ANO1: variants seen among roughly 807,000 people sequenced by gnomAD.
ANO1 encodes anoctamin-1.
A neutral mutation model predicts 124.0 loss-of-function variants in ANO1; 59 were observed. The ratio of observed to expected loss-of-function variants is 0.48; its 90% confidence interval spans 0.39 to 0.59. The LOEUF (loss-of-function observed/expected upper bound fraction) is 0.59, where lower values mean the gene tolerates loss of function less well. Ranked by LOEUF, ANO1 falls within the 20% of genes least tolerant of loss-of-function variation. The probability of loss-of-function intolerance (pLI) is 0.00; values close to 1 mark genes in which losing one functional copy is unlikely to be tolerated. For synonymous variants in ANO1, 529 were observed against 532.0 expected, an observed-to-expected ratio of 0.99 and a Z score of 0.08; for missense variants, 1,059 against 1,328.0, an observed-to-expected ratio of 0.80 and a Z score of 3.15.
chr11:70,103,978 G>T (rs1250699355), intron 3 of ANO1, 21 bp from the exon 4 acceptor site: 1 of 1,607,410 alleles, frequency 6.2e-7, no homozygotes, highest in Admixed American at 1.7e-5. Flanking sequence ...GCAGCTCCCC[G>T]GTCCCTTGTC....
chr11:70,091,720 T>C (rs1365532812), intron 2 of ANO1, among the ~76,000 whole-genome samples: 1 of 152,196 alleles, frequency 6.6e-6, no homozygotes, highest in Non-Finnish European at 1.5e-5. Flanking sequence ...AGGTGTGACC[T>C]GGCCTTTGTT....
At chr11:70,053,134 G>GTTCATCTGGTTTGCCAAATTTACTTTTTA (rs1857380447) in intron 1 of ANO1, among the ~76,000 whole-genome samples, 2 of 151,978 alleles carry the variant, frequency 1.3e-5, no homozygotes, top group African/African-American at 4.8e-5. Context: ...TTTACTTTTT[G>GTTCATCTGGTTTGCCAAATTTACTTTTTA]ATTCCAATAG....
At chr11:69,966,235 C>A in the ANO1 span, among the ~76,000 whole-genome samples, 1 of 152,176 alleles carries the variant, frequency 6.6e-6, no homozygotes, top group East Asian at 1.9e-4. Context: ...GAGAGAGGAT[C>A]CTTGGGCACT....
At chr11:70,089,115 C>T (rs1162475435) in intron 2 of ANO1, among the ~76,000 whole-genome samples, 2 of 152,192 alleles carry the variant, frequency 1.3e-5, no homozygotes, top group Non-Finnish European at 2.9e-5. Context: ...TGCACGGGAA[C>T]CCTTCCTTCC....
chr11:69,984,208 A>G (rs1482828588), upstream of ANO1, among the ~76,000 whole-genome samples: 4 of 152,240 alleles, frequency 2.6e-5, no homozygotes, highest in Non-Finnish European at 4.4e-5. Context: ...GTTCTGTGAA[A>G]TGAATGTAGC....
intron 19 of ANO1, among the ~76,000 whole-genome samples, chr11:70,164,621 T>G (rs1021444986): frequency 6.6e-6 from 1 of 152,236 alleles, no homozygotes; most frequent in African/African-American, 2.4e-5. Context: ...GGGGTCACCA[T>G]GCATCACTGG....
chr11:69,971,687 G>A, the ANO1 span, among the ~76,000 whole-genome samples: 1 of 152,230 alleles, frequency 6.6e-6, no homozygotes, highest in South Asian at 2.1e-4. Context: ...AGGAGGCCAA[G>A]TGAGAGAATC....
chr11:70,089,711 C>A (rs2135244274), intron 2 of ANO1, among the ~76,000 whole-genome samples: 1 of 152,320 alleles, frequency 6.6e-6, no homozygotes, highest in East Asian at 1.9e-4. Flanking sequence ...TTGGGGGCAG[C>A]TGCCAGGGAA....
the ANO1 span, among the ~76,000 whole-genome samples, chr11:69,976,208 T>A: frequency 1.3e-5 from 2 of 152,030 alleles, no homozygotes; most frequent in East Asian, 1.9e-4. Context: ...GTTAGGTGGG[T>A]TCTAATTCAG....
chr11:70,111,714 G>A lies in ANO1; in HGVS notation c.807G>A (p.Thr269=), dbSNP rs986625893. Reference sequence around the variant, plus strand: ...TCTGCCTCTGTTTTTAAGGCATCACGAGCCTGCTGGCCAATGGTGTGTACG... The same window carrying A: ...TCTGCCTCTGTTTTTAAGGCATCACAAGCCTGCTGGCCAATGGTGTGTACG... ...CTKAKYSMGI[T]SLLANGVYAA... The change falls in exon 7 of 26, where the codon ACG becomes ACA. Residue 269 remains threonine, a synonymous_variant. Transcript: ENST00000355303. The A allele has an allele frequency of 9.3e-6, 15 of 1,613,994 alleles. No individual in the cohort carries two copies. The Middle Eastern group carries it at 4.9e-4, about 53-fold the overall frequency.
At chr11:69,986,615 A>G (rs1300281234) in intron 1 of ANO1, among the ~76,000 whole-genome samples, 1 of 152,204 alleles carries the variant, frequency 6.6e-6, no homozygotes, top group African/African-American at 2.4e-5. Context: ...TATTTGTGAT[A>G]TAAAGTCACT....
At chr11:70,154,921 C>T (rs758898151) in intron 14 of ANO1, among the ~76,000 whole-genome samples, 6 of 152,374 alleles carry the variant, frequency 3.9e-5, no homozygotes, top group Admixed American at 6.5e-5. Context: ...CCCTCTGCCC[C>T]GGCCCTTCAG....
chr11:69,990,283 T>C (rs1428787214), intron 1 of ANO1, among the ~76,000 whole-genome samples: 3 of 152,224 alleles, frequency 2.0e-5, no homozygotes, highest in African/African-American at 4.8e-5. Flanking sequence ...CTTCTTTCAC[T>C]TGGTATGTTT....
chr11:70,162,714 G>C (rs996927882), intron 18 of ANO1, among the ~76,000 whole-genome samples: 16 of 152,114 alleles, frequency 1.1e-4, no homozygotes, highest in African/African-American at 3.9e-4. Context: ...CGCCCTCCTG[G>C]CCCAGGGTCC....
At chr11:70,022,605 CAA>C (rs56905685) in intron 1 of ANO1, among the ~76,000 whole-genome samples, 2 of 142,798 alleles carry the variant, frequency 1.4e-5, no homozygotes, top group Admixed American at 7.0e-5. Context: ...GACTCCATCT[CAA>C]AAAAAAAAAA....
chr11:70,155,071 G>A (rs2047755062), intron 14 of ANO1, among the ~76,000 whole-genome samples: 1 of 152,246 alleles, frequency 6.6e-6, no homozygotes, highest in South Asian at 2.1e-4. Context: ...AGGAGTCAGT[G>A]TATGGCCTCC....
At chr11:70,143,517 G>A (rs1356086068) in intron 11 of ANO1, among the ~76,000 whole-genome samples, 1 of 152,180 alleles carries the variant, frequency 6.6e-6, no homozygotes, top group Admixed American at 6.5e-5. Context: ...AAGACGGAGG[G>A]GTCGGTACTT....
chr11:70,142,333 C>T (rs1249232644), intron 11 of ANO1, among the ~76,000 whole-genome samples: 1 of 152,130 alleles, frequency 6.6e-6, no homozygotes, highest in African/African-American at 2.4e-5. Context: ...ATGGAGTTGA[C>T]AAGTCACCCA....
At chr11:70,108,695 G>T (rs1423317928) in intron 6 of ANO1, among the ~76,000 whole-genome samples, 1 of 152,222 alleles carries the variant, frequency 6.6e-6, no homozygotes, top group African/African-American at 2.4e-5. Context: ...ACAGACCAGT[G>T]TTAGGGATGA....
Sources: allele counts gnomAD v4.1 joint callset (sites outside exome capture counted in the v4.1 genomes callset), GRCh38; gene constraint gnomAD v4.1.1; transcripts MANE v1.5; gene names NCBI Gene and HGNC (gene_info 2026-07-23, HGNC 2026-07-21).